The following KAZN variants were observed in gnomAD, a reference collection of about 807,000 sequenced individuals.
The protein encoded by KAZN is kazrin.
KAZN carries 40 observed loss-of-function variants against 87.4 expected under a neutral mutation model. The ratio of observed to expected loss-of-function variants is 0.46; its 90% CI spans 0.36 to 0.60. The LOEUF is 0.60. Among genes scored for constraint, KAZN ranks in the 20% least tolerant of loss-of-function variants. KAZN has a pLI of 0.00. For missense variants in KAZN, 898 were observed against 1,073.9 expected, an observed-to-expected ratio of 0.84 and a Z score of 2.29; for synonymous variants, 466 against 458.3, an observed-to-expected ratio of 1.02 and a Z score of -0.22.
At chr1:14,603,721 C>T (rs1677148308) in intron 1 of KAZN, among the ~76,000 whole-genome samples, 1 of 152,040 alleles carries the variant, frequency 6.6e-6, no homozygotes, top group Admixed American at 6.6e-5. Context: ...CATGATAGGC[C>T]CTCTCTCCAT....
chr1:15,031,635 G>C (rs1028284004), intron 2 of KAZN, among the ~76,000 whole-genome samples: 2 of 152,002 alleles, frequency 1.3e-5, no homozygotes, highest in Non-Finnish European at 2.9e-5. Context: ...ACTGGATCTT[G>C]CTCTGTCACC....
chr1:14,143,626 G>C (rs994521705), intron 1 of KAZN, among the ~76,000 whole-genome samples: 3 of 152,108 alleles, frequency 2.0e-5, no homozygotes, highest in Non-Finnish European at 4.4e-5. Context: ...TAACAATTGA[G>C]TCACAATTAT....
At chr1:14,267,959 CGAAAAGAAAAGA>C (rs1651623472) in intron 2 of KAZN, among the ~76,000 whole-genome samples, 1 of 151,786 alleles carries the variant, frequency 6.6e-6, no homozygotes. Flanking sequence ...GACTCTGTCT[CGAAAAGAAAAGA>C]GAAAAGAAAA....
In KAZN at chr1:14,888,442, C is replaced by T. The variant is rs191701956; in HGVS notation, c.227-72242C>T. ...GTAGGAGGCTCCAATCAGCCCTCTA[C>T]GTGCATTTATCTTCAAAGCTCTTTC... On this transcript the variant is annotated intron_variant, in intron 1 of 14. Transcript: ENST00000376030. 5.3e-5 allele frequency among the ~76,000 whole-genome samples: 8 copies of T among 152,308 alleles called. No individual in the cohort carries two copies. In the South Asian group the frequency reaches 8.3e-4, roughly 16 times the overall value.
At chr1:15,041,010 G>GCAT (rs1672836189) in intron 3 of KAZN, among the ~76,000 whole-genome samples, 1 of 151,852 alleles carries the variant, frequency 6.6e-6, no homozygotes, top group Non-Finnish European at 1.5e-5. Flanking sequence ...GAGTGCAGTG[G>GCAT]CATGATCTCC....
At chr1:14,917,762 T>A (rs1286517480) in intron 1 of KAZN, among the ~76,000 whole-genome samples, 1 of 152,196 alleles carries the variant, frequency 6.6e-6, no homozygotes, top group African/African-American at 2.4e-5. Context: ...GCTTCCAAGA[T>A]GACCCCAATG....
chr1:14,843,095 A>G (rs1017054245), intron 1 of KAZN, among the ~76,000 whole-genome samples: 12 of 152,110 alleles, frequency 7.9e-5, no homozygotes, highest in African/African-American at 2.9e-4. Flanking sequence ...TCCTAGTTTC[A>G]GTGGCTGGCC....
intron 12 of KAZN, among the ~76,000 whole-genome samples, chr1:15,103,803 A>G (rs1428106463): frequency 1.3e-5 from 2 of 152,112 alleles, no homozygotes; most frequent in Non-Finnish European, 2.9e-5. Context: ...ACAAATATTG[A>G]TGATTTCCTG....
At chr1:14,155,057 G>A (rs375316962) in intron 1 of KAZN, among the ~76,000 whole-genome samples, 3 of 150,296 alleles carry the variant, frequency 2.0e-5, no homozygotes, top group East Asian at 2.0e-4. Context: ...CAAATAATGA[G>A]TTTGGAAGTA....
intron 2 of KAZN, among the ~76,000 whole-genome samples, chr1:14,285,830 G>A (rs959885357): frequency 1.3e-5 from 2 of 152,154 alleles, no homozygotes; most frequent in Non-Finnish European, 2.9e-5. Context: ...GCAAGTAAAC[G>A]GCATGGTGGT....
chr1:14,736,405 TCTC>T (rs1349814831), intron 1 of KAZN, among the ~76,000 whole-genome samples: 1 of 151,328 alleles, frequency 6.6e-6, no homozygotes, highest in African/African-American at 2.4e-5. Flanking sequence ...TTCAAGCTAT[TCTC>T]CTGCCTCAGC....
chr1:13,942,674 G>A (rs1640985614), intron 1 of KAZN, among the ~76,000 whole-genome samples: 1 of 151,614 alleles, frequency 6.6e-6, no homozygotes, highest in Non-Finnish European at 1.5e-5. Flanking sequence ...CTAGGAAATA[G>A]GACAAAACAA....
intron 2 of KAZN, among the ~76,000 whole-genome samples, chr1:14,418,054 A>G (rs1664970718): frequency 7.4e-6 from 1 of 135,454 alleles, no homozygotes; most frequent in African/African-American, 2.7e-5. Flanking sequence ...ACCTACATCG[A>G]AAGATTTGCC....
intron 14 of KAZN, 137 bp from the exon 15 acceptor site, chr1:15,114,334 C>T (rs1004166761): frequency 1.4e-6 from 1 of 699,950 alleles, no homozygotes; most frequent in Non-Finnish European, 2.4e-6. Flanking sequence ...AGTATTATTA[C>T]TAATAGGAGG....
At chr1:15,103,532 A>T (rs977264724) in intron 12 of KAZN, 72 bp downstream of exon 12, 91 of 906,066 alleles carry the variant, frequency 1.0e-4, no homozygotes, top group Non-Finnish European at 1.2e-4. Flanking sequence ...TATGCAAATC[A>T]ATATGCAAAT....
intron 1 of KAZN, among the ~76,000 whole-genome samples, chr1:13,910,435 G>T (rs1233794590): frequency 6.6e-6 from 1 of 152,038 alleles, no homozygotes; most frequent in Non-Finnish European, 1.5e-5. Context: ...CTGAACCAGG[G>T]AGTCGGAGGT....
intron 8 of KAZN, among the ~76,000 whole-genome samples, chr1:15,068,388 C>A (rs1478406467): frequency 6.6e-6 from 1 of 152,120 alleles, no homozygotes; most frequent in Non-Finnish European, 1.5e-5. Context: ...TGGAGGGCTA[C>A]CCTGTGGTCC....
intron 2 of KAZN, among the ~76,000 whole-genome samples, chr1:14,230,010 T>C (rs1647661177): frequency 1.3e-5 from 2 of 152,232 alleles, no homozygotes; most frequent in African/African-American, 4.8e-5. Flanking sequence ...GTGATGGAAA[T>C]AGTCTACAGC....
At chr1:15,007,476 A>G (rs1250746531) in intron 2 of KAZN, among the ~76,000 whole-genome samples, 1 of 152,168 alleles carries the variant, frequency 6.6e-6, no homozygotes, top group Non-Finnish European at 1.5e-5. Context: ...GGAGGGTGTG[A>G]TTTGAGCCCA....
Sources: gnomAD v4.1 joint callset for allele counts (sites outside exome capture counted in the v4.1 genomes callset) on GRCh38, gnomAD v4.1.1 for gene constraint, MANE v1.5 for transcripts, NCBI Gene and HGNC (gene_info 2026-07-23, HGNC 2026-07-21) for gene names.